Variants in RFC1 observed in about 807,000 individuals in gnomAD.
RFC1 encodes the protein replication factor C subunit 1, also known as A1 140 kDa subunit.
In RFC1, 37 loss-of-function variants were observed where a neutral mutation model predicts 137.4. The observed-to-expected ratio is 0.27, with a 90% CI of 0.21 to 0.35. The LOEUF (loss-of-function observed/expected upper bound fraction) is 0.35, where lower values mean the gene tolerates loss of function less well. Ranked by LOEUF, RFC1 falls within the 10% of genes least tolerant of loss-of-function variation. The pLI is 1.00. For synonymous variants in RFC1, 429 were observed against 455.7 expected, an observed-to-expected ratio of 0.94 and a Z score of 0.75; for missense variants, 1,205 against 1,358.5, an observed-to-expected ratio of 0.89 and a Z score of 1.78.
intron 2 of RFC1, among the ~76,000 whole-genome samples, chr4:39,346,197 C>T (rs1740849705): frequency 6.6e-6 from 1 of 152,204 alleles, no homozygotes; most frequent in African/African-American, 2.4e-5. Context: ...ATAGAACCAG[C>T]CAGGCTCAGT....
chr4:39,292,444 G>C (rs566192342), intron 22 of RFC1, among the ~76,000 whole-genome samples: 1 of 152,182 alleles, frequency 6.6e-6, no homozygotes, highest in African/African-American at 2.4e-5. Flanking sequence ...ACAGTCTCTG[G>C]TCTGCTGAGA....
At chr4:39,330,819 A>T (rs1282548357) in intron 4 of RFC1, among the ~76,000 whole-genome samples, 2 of 152,198 alleles carry the variant, frequency 1.3e-5, no homozygotes, top group Non-Finnish European at 2.9e-5. Flanking sequence ...TCTAAAGCAC[A>T]TCCAAGGCCT....
Position 39,288,663 on chromosome 4 carries a change from AAACATG to A in RFC1, c.*92_*97del. 1.3e-6 allele frequency: 1 copy of A among 778,852 alleles called. No individual in the cohort carries two copies. The allele number at this position is 778,852 out of a possible 1,614,324, so 48.2% of individuals were successfully genotyped here. ...GACACCAGGTCATCCCATTATGCTA[AAACATG>A]GTTGCTCTGGGAAAAAACAAGGCTT... is the stretch of plus-strand genomic sequence containing the variant. On this transcript the variant is annotated 3_prime_UTR_variant, in exon 25 of 25. Coordinates refer to ENST00000349703, the MANE Select transcript of RFC1 (RefSeq NM_002913.5).
Position 39,302,772 on chromosome 4 carries a change from G to C in RFC1, c.2305C>G (p.Leu769Val). Reference protein sequence around the residue: ...IRSLVHYCFDLRFQRPRVEQI... With the variant: ...IRSLVHYCFDVRFQRPRVEQI... ...TCAACCCGAGGTCTTTGAAAACGAA[G>C]ATCAAAACAATAATGAACCAGAGAG... is the stretch of plus-strand genomic sequence containing the variant. Residue 769 changes from leucine (L) to valine (V), a missense_variant, in exon 17 of 25, where the codon CTT (leucine) becomes GTT (valine). Transcript: ENST00000349703. 1 of 1,598,446 alleles carries C rather than the reference G, an allele frequency of 6.3e-7. No individual in the cohort carries two copies.
At chr4:39,292,847 C>T (rs1737762376) in intron 22 of RFC1, among the ~76,000 whole-genome samples, 1 of 151,768 alleles carries the variant, frequency 6.6e-6, no homozygotes, top group Non-Finnish European at 1.5e-5. Flanking sequence ...AGGGTTTCAC[C>T]ATCTTGCCCA....
intron 2 of RFC1, among the ~76,000 whole-genome samples, chr4:39,348,108 G>A (rs1578163201): frequency 6.6e-6 from 1 of 152,074 alleles, no homozygotes; most frequent in African/African-American, 2.4e-5. Context: ...AAAATTCTCA[G>A]CCTGTCCGTA....
intron 4 of RFC1, among the ~76,000 whole-genome samples, chr4:39,329,433 T>A (rs2109693792): frequency 6.6e-6 from 1 of 151,310 alleles, no homozygotes; most frequent in Admixed American, 6.6e-5. Flanking sequence ...CTACTAAAAT[T>A]ACAAAACTTA....
intron 14 of RFC1, 96 bp downstream of exon 14, chr4:39,306,496 A>C (rs974942843): frequency 1.5e-6 from 1 of 669,740 alleles, no homozygotes; most frequent in Non-Finnish European, 2.7e-6. Context: ...CACCACACAC[A>C]CACATGCACA....
intron 4 of RFC1, among the ~76,000 whole-genome samples, chr4:39,333,786 A>G (rs1740223754): frequency 6.6e-6 from 1 of 152,214 alleles, no homozygotes; most frequent in Non-Finnish European, 1.5e-5. Context: ...AATGTCTTCA[A>G]GCTATAGATT....
At chr4:39,298,814 T>C (rs1738173370) in intron 21 of RFC1, among the ~76,000 whole-genome samples, 1 of 152,190 alleles carries the variant, frequency 6.6e-6, no homozygotes, top group East Asian at 1.9e-4. Context: ...TTTTTTGAAA[T>C]ATAGAAAAAT....
At chr4:39,304,025 G>C (rs1027262776) in intron 15 of RFC1, among the ~76,000 whole-genome samples, 4 of 152,172 alleles carry the variant, frequency 2.6e-5, no homozygotes, top group Non-Finnish European at 5.9e-5. Context: ...TAGACGGTAT[G>C]TGTAATTTGA....
intron 3 of RFC1, among the ~76,000 whole-genome samples, chr4:39,345,172 G>A (rs566209219): frequency 4.6e-5 from 7 of 152,050 alleles, no homozygotes; most frequent in East Asian, 1.9e-4. Context: ...GTGCCACCAC[G>A]CCCAGCTAAT....
intron 1 of RFC1, among the ~76,000 whole-genome samples, chr4:39,352,340 T>C (rs1741252328): frequency 6.6e-6 from 1 of 152,348 alleles, no homozygotes; most frequent in Middle Eastern, 3.4e-3. Flanking sequence ...TATTACAATA[T>C]GCTCTTTAAT....
At chr4:39,365,624 G>T in intron 1 of RFC1, 1 of 299,924 alleles carries the variant, frequency 3.3e-6, no homozygotes, top group Non-Finnish European at 4.9e-6. Flanking sequence ...GTTTCTATTC[G>T]CTGTACTTCT....
At chr4:39,347,710 T>TGAAGA (rs373899484) in intron 2 of RFC1, among the ~76,000 whole-genome samples, 1 of 152,106 alleles carries the variant, frequency 6.6e-6, no homozygotes, top group African/African-American at 2.4e-5. Context: ...TGAGAGCTGA[T>TGAAGA]GAAGAGAAGA....
chr4:39,340,516 C>T (rs1486259843), intron 4 of RFC1, among the ~76,000 whole-genome samples: 4 of 152,000 alleles, frequency 2.6e-5, no homozygotes, highest in Non-Finnish European at 4.4e-5. Context: ...ATATTTATGA[C>T]CCAATATTGA....
Position 39,321,304 on chromosome 4 carries a change from T to C in RFC1, c.791A>G (p.His264Arg), listed in dbSNP as rs377367100. ...AGTATTACCTTTATGAGGATATTTA[T>C]GTTTTTCTGCTTTACTTAAATTGGC... ...VQANLSKAEK[H>R]KYPHKVKTAQ... is the part of the protein sequence containing the mutation. The change falls in exon 8 of 25, where the codon CAT becomes CGT. Residue 264 changes from histidine to arginine, a missense_variant. Around this residue, in one of 3 missense-constraint regions of RFC1, gnomAD observed 962 missense variants for 1,035.3 expected, o/e 0.93. Transcript: ENST00000349703. 4 of 1,613,646 alleles carry C rather than the reference T, an allele frequency of 2.5e-6. No individual in the cohort carries two copies. The highest frequency in any genetic ancestry group is 1.3e-5 in the African/African-American group (1 of 75,046).
intron 1 of RFC1, among the ~76,000 whole-genome samples, chr4:39,362,704 A>G (rs1279394287): frequency 6.6e-6 from 1 of 152,244 alleles, no homozygotes; most frequent in Admixed American, 6.5e-5. Context: ...ATAAATCTTC[A>G]TGACCTTGGA....
At chr4:39,348,432 A>AGGACAGGACAGGACAGGAC (rs1560619877) in intron 2 of RFC1, among the ~76,000 whole-genome samples, 1 of 85,734 alleles carries the variant, frequency 1.2e-5, no homozygotes, top group East Asian at 3.2e-4. Context: ...CAAAAAAGAA[A>AGGACAGGACAGGACAGGAC]AGAAAAGAAA....
Sources: gnomAD v4.1 joint callset for allele counts (sites outside exome capture counted in the v4.1 genomes callset) on GRCh38, gnomAD v4.1.1 for gene constraint, gnomAD v4.1.1 regional missense constraint, MANE v1.5 for transcripts, NCBI Gene and HGNC (gene_info 2026-07-23, HGNC 2026-07-21) for gene names.